Variants in CACNA2D1 observed in about 807,000 individuals in gnomAD.
CACNA2D1 encodes calcium voltage-gated channel auxiliary subunit alpha2delta 1.
CACNA2D1 carries 53 observed loss-of-function variants against 171.5 expected under a neutral mutation model. The ratio of observed to expected loss-of-function variants is 0.31; its 90% CI spans 0.25 to 0.39. The LOEUF (loss-of-function observed/expected upper bound fraction) is 0.39, where lower values mean the gene tolerates loss of function less well. CACNA2D1 is among the 10% of genes least tolerant of loss of function. The pLI is 1.00. For missense variants in CACNA2D1, 903 were observed against 1,299.8 expected (o/e 0.69, Z 4.69); for synonymous variants, 442 against 443.1 (o/e 1.00, Z 0.03).
chr7:82,114,869 C>G (rs1788862088), intron 6 of CACNA2D1, among the ~76,000 whole-genome samples: 1 of 151,864 alleles, frequency 6.6e-6, no homozygotes, highest in African/African-American at 2.4e-5. Flanking sequence ...GCTTTAACTT[C>G]TTTTACACAT....
intron 7 of CACNA2D1, among the ~76,000 whole-genome samples, chr7:82,067,441 G>A (rs1182802986): frequency 6.6e-6 from 1 of 152,122 alleles, no homozygotes; most frequent in Non-Finnish European, 1.5e-5. Context: ...TGAGAGTCAG[G>A]TTTATTAGCC....
intron 21 of CACNA2D1, among the ~76,000 whole-genome samples, chr7:81,988,643 T>C (rs2130714459): frequency 6.6e-6 from 1 of 152,306 alleles, no homozygotes; most frequent in Non-Finnish European, 1.5e-5. Flanking sequence ...CGTACTTAAA[T>C]ATTGCAATGG....
intron 3 of CACNA2D1, among the ~76,000 whole-genome samples, chr7:82,243,557 T>A (rs1440238212): frequency 3.3e-5 from 5 of 152,184 alleles, no homozygotes; most frequent in African/African-American, 1.2e-4. Flanking sequence ...TAAATACTTG[T>A]TATTTGACAA....
intron 1 of CACNA2D1, among the ~76,000 whole-genome samples, chr7:82,381,128 C>T (rs555453257): frequency 6.6e-6 from 1 of 151,832 alleles, no homozygotes; most frequent in African/African-American, 2.4e-5. Context: ...CTGCTTAACA[C>T]GGTGAAACCC....
chr7:82,081,498 G>C (rs1288353245), intron 7 of CACNA2D1, among the ~76,000 whole-genome samples: 1 of 152,186 alleles, frequency 6.6e-6, no homozygotes, highest in Non-Finnish European at 1.5e-5. Context: ...CCATTCAAGT[G>C]TATTCCCTAG....
intron 6 of CACNA2D1, among the ~76,000 whole-genome samples, chr7:82,095,671 T>A (rs534327395): frequency 6.6e-6 from 1 of 152,232 alleles, no homozygotes; most frequent in South Asian, 2.1e-4. Context: ...TATCTATTTG[T>A]TAATGAATGA....
intron 6 of CACNA2D1, among the ~76,000 whole-genome samples, chr7:82,104,112 G>A (rs258677): frequency 6.6e-6 from 1 of 151,672 alleles, no homozygotes; most frequent in Admixed American, 6.6e-5. Flanking sequence ...ACCATGAAAA[G>A]AATCTAATTA....
At chr7:82,426,182 C>A (rs10224935) in intron 1 of CACNA2D1, among the ~76,000 whole-genome samples, 11,529 of 71,348 alleles carry the variant, frequency 0.16, 532 homozygotes, top group East Asian at 0.36. Flanking sequence ...TAAATAAATA[C>A]ATAAATTCTA....
intron 3 of CACNA2D1, among the ~76,000 whole-genome samples, chr7:82,301,868 C>T (rs199963236): frequency 1.3e-5 from 2 of 151,930 alleles, no homozygotes; most frequent in East Asian, 3.9e-4. Context: ...AGAAATTCTC[C>T]TGCCTCAGCC....
intron 7 of CACNA2D1, among the ~76,000 whole-genome samples, chr7:82,069,463 A>C (rs1206599941): frequency 6.6e-6 from 1 of 152,220 alleles, no homozygotes; most frequent in Non-Finnish European, 1.5e-5. Context: ...AATGATTTAC[A>C]GGAATGTTTT....
intron 3 of CACNA2D1, among the ~76,000 whole-genome samples, chr7:82,200,652 T>G: frequency 6.6e-6 from 1 of 152,326 alleles, no homozygotes; most frequent in Middle Eastern, 3.4e-3. Context: ...CTTCAATATT[T>G]TACTCTTTTT....
chr7:82,431,375 C>T (rs1036634185), intron 1 of CACNA2D1, among the ~76,000 whole-genome samples: 1 of 152,160 alleles, frequency 6.6e-6, no homozygotes, highest in African/African-American at 2.4e-5. Context: ...AAGTTCCCCA[C>T]GCATTCTTTC....
At chr7:82,128,650 G>T (rs1790611586) in intron 5 of CACNA2D1, among the ~76,000 whole-genome samples, 1 of 152,098 alleles carries the variant, frequency 6.6e-6, no homozygotes, top group African/African-American at 2.4e-5. Flanking sequence ...ACACAAACAT[G>T]ATCCTGGTGC....
intron 3 of CACNA2D1, among the ~76,000 whole-genome samples, chr7:82,223,326 C>T (rs1402854328): frequency 6.6e-6 from 1 of 152,168 alleles, no homozygotes; most frequent in African/African-American, 2.4e-5. Context: ...ACGTGCTATA[C>T]AATTTTCCAT....
At chr7:82,297,322 T>C (rs1812425201) in intron 3 of CACNA2D1, among the ~76,000 whole-genome samples, 1 of 152,114 alleles carries the variant, frequency 6.6e-6, no homozygotes, top group Non-Finnish European at 1.5e-5. Flanking sequence ...TCTTGATCAT[T>C]GATCTGTAAC....
chr7:82,212,258 A>G (rs1800635514), intron 3 of CACNA2D1, among the ~76,000 whole-genome samples: 1 of 152,176 alleles, frequency 6.6e-6, no homozygotes, highest in Non-Finnish European at 1.5e-5. Flanking sequence ...AAAATATGGG[A>G]TACCTAATTC....
chr7:81,968,751 T>C, intron 29 of CACNA2D1, 136 bp downstream of exon 29: 1 of 615,912 alleles, frequency 1.6e-6, no homozygotes, highest in Non-Finnish European at 2.9e-6. Flanking sequence ...TTTTATTTAA[T>C]TTTTTTAAGT....
chr7:82,181,566 A>G (rs1585025398), intron 3 of CACNA2D1, among the ~76,000 whole-genome samples: 1 of 152,232 alleles, frequency 6.6e-6, no homozygotes, highest in Admixed American at 6.5e-5. Context: ...TCTAATGTGC[A>G]TTGAAGTTTG....
chr7:81,950,216 C>T lies in CACNA2D1; in HGVS notation c.*176G>A, dbSNP rs1252962052. 21 of 1,088,010 alleles carry T rather than the reference C, an allele frequency of 1.9e-5. No individual in the cohort carries two copies. Among genetic ancestry groups the T allele is most frequent in the Non-Finnish European group, 2.5e-5 (19 of 754,612 alleles). The allele number at this position is 1,088,010 out of a possible 1,614,324, so 67.4% of individuals were successfully genotyped here. A position where few individuals can be genotyped will look rare whatever the true frequency, so the allele number is the denominator to read the frequency against. On this transcript the variant is annotated 3_prime_UTR_variant, in exon 39 of 39. Transcript: ENST00000356860. Reference sequence around the variant, plus strand: ...TCACACACGTTTAAGGATCTGACACCCTGACATGCAGCCAGTGGGTGCCTT... The same window carrying T: ...TCACACACGTTTAAGGATCTGACACTCTGACATGCAGCCAGTGGGTGCCTT...
Sources: allele counts gnomAD v4.1 joint callset (sites outside exome capture counted in the v4.1 genomes callset), GRCh38; gene constraint gnomAD v4.1.1; transcripts MANE v1.5; gene names NCBI Gene and HGNC (gene_info 2026-07-23, HGNC 2026-07-21).